The following KCNH2 variants were observed in gnomAD, a reference collection of about 807,000 sequenced individuals.
The protein encoded by KCNH2 is potassium voltage-gated channel subfamily H member 2.
A neutral mutation model predicts 95.9 loss-of-function variants in KCNH2; 35 were observed. That is an observed-to-expected ratio of 0.37 (90% CI 0.28 to 0.48). The LOEUF (loss-of-function observed/expected upper bound fraction) is 0.48. Among genes scored for constraint, KCNH2 ranks in the 20% least tolerant of loss-of-function variants. The pLI, the probability that KCNH2 is intolerant of heterozygous loss-of-function variation, is 0.99. For synonymous variants in KCNH2, 786 were observed against 754.7 expected, an observed-to-expected ratio of 1.04 and a Z score of -0.68; for missense variants, 1,274 against 1,702.9, an observed-to-expected ratio of 0.75 and a Z score of 4.43.
At chr7:150,947,962 C>T in intron 11 of KCNH2, 84 bp from the exon 12 acceptor site, 4 of 1,434,100 alleles carry the variant, frequency 2.8e-6, no homozygotes, top group Non-Finnish European at 3.7e-6. Flanking sequence ...CAGGAGCGAG[C>T]CCGAGAGAGG....
chr7:150,958,017 G>C, intron 4 of KCNH2, 42 bp downstream of exon 4: 1 of 1,267,012 alleles, frequency 7.9e-7, no homozygotes, highest in Non-Finnish European at 9.9e-7. Context: ...GGCAGCAGAA[G>C]AAGCGTGGGC....
At chr7:150,951,182 C>A (rs1801141236) in intron 7 of KCNH2, 62 bp from the exon 8 acceptor site, 1 of 1,394,836 alleles carries the variant, frequency 7.2e-7, no homozygotes, top group South Asian at 1.3e-5. Context: ...CCACAGGGAC[C>A]CTGCTCAGGC....
chr7:150,958,555 G>T, intron 3 of KCNH2, 53 bp from the exon 4 acceptor site: 1 of 1,430,650 alleles, frequency 7.0e-7, no homozygotes. Context: ...GCCCCGGAGC[G>T]GGCAAGGCCT....
At chr7:150,957,528 G>A (rs755225128) in intron 4 of KCNH2, 26 bp from the exon 5 acceptor site, 34 of 1,441,630 alleles carry the variant, frequency 2.4e-5, no homozygotes, top group Non-Finnish European at 3.1e-5. Flanking sequence ...GCGTGGTCAG[G>A]CCAGCAGCCC....
rs369273560 is a variant in KCNH2 at position 150,957,274 on chromosome 7, G to C, written c.1128+17C>G. ...CTCCTCCAAGGTGAGAGGAGAGCCC[G>C]GCCGCTGGGCGCCTACCTGGGTGAC... is the stretch of plus-strand genomic sequence containing the variant. On this transcript the variant is annotated intron_variant, in intron 5 of 14. Coordinates refer to ENST00000262186, the MANE Select transcript of KCNH2 (RefSeq NM_000238.4). The C allele has an allele frequency of 1.3e-6, 2 of 1,551,602 alleles. No homozygotes were observed. The highest frequency in any genetic ancestry group is 1.4e-5 in the African/African-American group (1 of 73,220).
intron 9 of KCNH2, chr7:150,949,909 G>T: frequency 6.7e-7 from 1 of 1,481,536 alleles, no homozygotes. Context: ...CTACTTTAAG[G>T]AAGCAAAAAG....
At chr7:150,954,554 C>A (rs41314384) in intron 5 of KCNH2, among the ~76,000 whole-genome samples, 1,863 of 152,344 alleles carry the variant, frequency 0.012, 37 homozygotes, top group African/African-American at 0.042. Flanking sequence ...TCTGTCCCCC[C>A]AGCCTGTTGT....
In KCNH2 at chr7:150,970,273, C is replaced by A. The variant is rs150286129; in HGVS notation, c.307+4438G>T. On this transcript the variant is annotated intron_variant, in intron 2 of 14. Coordinates refer to ENST00000262186, the MANE Select transcript of KCNH2 (RefSeq NM_000238.4). Reference sequence around the variant, plus strand: ...AGGCCCAGTCTCCCCCCTCACACACCCCCAAGCTGGCCCTTCTGCTGCCCC... The same window carrying A: ...AGGCCCAGTCTCCCCCCTCACACACACCCAAGCTGGCCCTTCTGCTGCCCC... 4.1e-3 allele frequency among the ~76,000 whole-genome samples: 629 copies of A among 151,806 alleles called. 5 individuals are homozygous for A. The highest frequency in any genetic ancestry group is 6.9e-3 in the Middle Eastern group (2 of 290).
At chr7:150,972,072 G>A (rs149490113) in intron 2 of KCNH2, among the ~76,000 whole-genome samples, 2 of 152,280 alleles carry the variant, frequency 1.3e-5, no homozygotes, top group African/African-American at 4.8e-5. Flanking sequence ...GTGAGCCCCA[G>A]GCACCTCATG....
intron 5 of KCNH2, among the ~76,000 whole-genome samples, 158 bp downstream of exon 5, chr7:150,957,133 C>T (rs537636181): frequency 2.6e-5 from 4 of 152,286 alleles, no homozygotes; most frequent in Admixed American, 6.5e-5. Context: ...CCCATCGCAG[C>T]TCTGGAATAG....
intron 8 of KCNH2, 114 bp downstream of exon 8, chr7:150,950,807 G>T: frequency 1.8e-6 from 2 of 1,112,856 alleles, no homozygotes; most frequent in Non-Finnish European, 2.7e-6. Context: ...TGCCTCCAGG[G>T]TCCTTACTAC....
intron 5 of KCNH2, 133 bp downstream of exon 5, chr7:150,957,158 C>A: frequency 1.3e-6 from 1 of 761,368 alleles, no homozygotes; most frequent in Non-Finnish European, 2.3e-6. Flanking sequence ...CCAACCCCAA[C>A]CCTCAGGTCT....
intron 13 of KCNH2, 72 bp from the exon 14 acceptor site, chr7:150,947,126 G>T: frequency 1.0e-6 from 1 of 1,002,460 alleles, no homozygotes; most frequent in Non-Finnish European, 1.5e-6. Flanking sequence ...AGTGGGGAAG[G>T]GGAAGGGGAG....
intron 9 of KCNH2, chr7:150,949,555 G>T: frequency 1.0e-6 from 1 of 952,562 alleles, no homozygotes; most frequent in Non-Finnish European, 1.3e-6. Flanking sequence ...GTGGGGGTGT[G>T]TATTTGTGTT....
rs541259035 is a variant in KCNH2 at position 150,947,044 on chromosome 7, G to C, written c.3163C>G (p.Arg1055Gly). The change falls in exon 14 of 15, where the codon CGG becomes GGG. Residue 1055 changes from arginine (R) to glycine (G), a missense_variant. Physicochemically the swap from Arg to Gly is moderately radical, Grantham distance 125. Transcript: ENST00000262186. The stretch of plus-strand genomic sequence containing the variant: ...ACAGTGGCCATGTCTGCACTCAGCC[G>C]GGTCTCCAGCCTGGGGCAGGAAGTG... ...LQRQLNRLET[R>G]LSADMATVLQ... 1.2e-6 allele frequency: 2 copies of C among 1,600,652 alleles called. No homozygotes were observed.
Position 150,945,458 on chromosome 7 carries a change from T to C in KCNH2, c.3387A>G (p.Gln1129=). The change falls in exon 15 of 15, where the codon CAA becomes CAG. Residue 1129 remains glutamine (Q), a synonymous_variant. Coordinates refer to ENST00000262186, the MANE Select transcript of KCNH2 (RefSeq NM_000238.4). This position sits in a 1 kb window ranked among gnomAD's most constrained non-coding sequence, Gnocchi z 5.6. ...GGGAGAGGCGTCGTGTGGGGCCTTC[T>C]TGGGGAAGCTCTGGGGCCCCCGGGG... The part of the protein sequence containing the change: ...ELPPGAPELP[Q]EGPTRRLSLP... 2 of 1,558,166 alleles carry C rather than the reference T, an allele frequency of 1.3e-6. No individual in the cohort carries two copies. Among genetic ancestry groups the C allele is most frequent in the Non-Finnish European group, 1.7e-6 (2 of 1,151,810 alleles).
chr7:150,969,834 A>G (rs780483598), intron 2 of KCNH2, among the ~76,000 whole-genome samples: 18 of 152,158 alleles, frequency 1.2e-4, no homozygotes, highest in Non-Finnish European at 5.9e-5. Flanking sequence ...CATCCTGGAT[A>G]AGCACCCAAA....
intron 3 of KCNH2, 80 bp from the exon 4 acceptor site, chr7:150,958,582 G>A (rs1300216020): frequency 3.2e-6 from 4 of 1,244,956 alleles, no homozygotes; most frequent in Non-Finnish European, 4.2e-6. Context: ...TGGACCCCCA[G>A]CCGCTGGGTA....
Position 150,951,569 on chromosome 7 carries a change from C to A in KCNH2, c.1824G>T (p.Lys608Asn). 6.2e-7 allele frequency: 1 copy of A among 1,614,242 alleles called. No individual in the cohort carries two copies. The highest frequency in any genetic ancestry group is 8.5e-7 in the Non-Finnish European group (1 of 1,180,044). ...AGTAGAGCGCCGTCACATACTTGTCCTTGATGGAGGGGCCGCCCAGGCCGC... is the reference window on the plus strand; with the variant it reads ...AGTAGAGCGCCGTCACATACTTGTCATTGATGGAGGGGCCGCCCAGGCCGC... ...NSSGLGGPSIKDKYVTALYFT... is the reference protein window; with the variant it reads ...NSSGLGGPSINDKYVTALYFT... The change falls in exon 7 of 15, where the codon AAG becomes AAT. Residue 608 changes from lysine (K) to asparagine (N), a missense_variant. This residue lies in a region of KCNH2 where 147 missense variants were observed against 344.4 expected (regional missense o/e 0.43). Coordinates refer to ENST00000262186, the MANE Select transcript of KCNH2 (RefSeq NM_000238.4).
Sources: gnomAD v4.1 joint callset for allele counts (sites outside exome capture counted in the v4.1 genomes callset) on GRCh38, gnomAD v4.1.1 for gene constraint, gnomAD v4.1.1 regional missense constraint, Gnocchi (gnomAD v3.1) non-coding constraint, MANE v1.5 for transcripts, NCBI Gene and HGNC (gene_info 2026-07-23, HGNC 2026-07-21) for gene names.